The following ADGRL2 variants were observed in gnomAD, a reference collection of about 807,000 sequenced individuals.
ADGRL2 encodes the protein calcium-independent alpha-latrotoxin receptor 2.
A neutral mutation model predicts 157.4 loss-of-function variants in ADGRL2; 44 were observed. The observed-to-expected ratio is 0.28, with a 90% CI of 0.22 to 0.36. The LOEUF is 0.36. ADGRL2 is among the 10% of genes least tolerant of loss of function. ADGRL2 has a pLI of 1.00. For synonymous variants in ADGRL2, 585 were observed against 624.7 expected (o/e 0.94, Z 0.95); for missense variants, 1,510 against 1,768.9 (o/e 0.85, Z 2.63).
chr1:81,935,562 A>G lies in ADGRL2; in HGVS notation c.288-1166A>G, dbSNP rs201781897. ...TGCCCTTTAGTTAGTGGTGCTAGAA[A>G]CTGGGATGCTTTTCAAAATTCTTTA... On this transcript the variant is annotated intron_variant, in intron 3 of 23. Coordinates refer to ENST00000686636, the MANE Select transcript of ADGRL2 (RefSeq NM_001366006.2). Among the ~76,000 whole-genome samples the G allele has an allele frequency of 7.9e-5, 12 of 152,014 alleles. No homozygotes were observed. The East Asian group carries it at 1.7e-3, about 22-fold the overall frequency.
At chr1:81,972,779 G>A (rs1411966107) in intron 17 of ADGRL2, among the ~76,000 whole-genome samples, 2 of 151,720 alleles carry the variant, frequency 1.3e-5, no homozygotes, top group African/African-American at 4.8e-5. Flanking sequence ...CGGTGTTGAG[G>A]CACATTCCTG....
At chr1:81,933,288 A>G (rs2095262268) in intron 3 of ADGRL2, among the ~76,000 whole-genome samples, 1 of 152,116 alleles carries the variant, frequency 6.6e-6, no homozygotes, top group Non-Finnish European at 1.5e-5. Flanking sequence ...CCGATTTTTT[A>G]TGCTTAATGT....
chr1:81,581,324 A>G (rs1384034139), intron 3 of ADGRL2, among the ~76,000 whole-genome samples: 1 of 152,186 alleles, frequency 6.6e-6, no homozygotes, highest in Admixed American at 6.5e-5. Flanking sequence ...TCAAATCAAA[A>G]ACTTTTCCTT....
At chr1:81,948,974 C>A (rs1040526658) in intron 6 of ADGRL2, among the ~76,000 whole-genome samples, 1 of 152,034 alleles carries the variant, frequency 6.6e-6, no homozygotes, top group Non-Finnish European at 1.5e-5. Flanking sequence ...GATTGATGGA[C>A]CAGAGAGCTT....
intron 3 of ADGRL2, among the ~76,000 whole-genome samples, chr1:81,665,119 A>G (rs1043892896): frequency 6.6e-6 from 1 of 152,192 alleles, no homozygotes; most frequent in African/African-American, 2.4e-5. Flanking sequence ...AAAGTGACTC[A>G]TAATGAACTC....
intron 2 of ADGRL2, among the ~76,000 whole-genome samples, chr1:81,511,400 G>GCGCA (rs1553172037): frequency 2.2e-4 from 28 of 127,222 alleles, no homozygotes; most frequent in African/African-American, 2.7e-4. Context: ...AAAAAAGCGC[G>GCGCA]CACACACACA....
intron 3 of ADGRL2, among the ~76,000 whole-genome samples, chr1:81,645,771 G>T (rs890276840): frequency 6.6e-6 from 1 of 152,020 alleles, no homozygotes; most frequent in Non-Finnish European, 1.5e-5. Flanking sequence ...TGGACATTTA[G>T]GTGGTTTCTT....
At chr1:81,687,347 G>A (rs972394601) in intron 3 of ADGRL2, among the ~76,000 whole-genome samples, 1 of 152,072 alleles carries the variant, frequency 6.6e-6, no homozygotes, top group African/African-American at 2.4e-5. Context: ...ATATGTTTAG[G>A]ATTGTGATAT....
chr1:81,673,809 A>G (rs1182450141), intron 3 of ADGRL2, among the ~76,000 whole-genome samples: 1 of 152,074 alleles, frequency 6.6e-6, no homozygotes, highest in African/African-American at 2.4e-5. Flanking sequence ...GAGCCACTGC[A>G]CCCAGCCTCT....
intron 1 of ADGRL2, among the ~76,000 whole-genome samples, chr1:81,398,020 A>G (rs1196007928): frequency 6.6e-6 from 1 of 152,046 alleles, no homozygotes; most frequent in Non-Finnish European, 1.5e-5. Flanking sequence ...ATATTTTTGT[A>G]ATTGTTATAT....
In ADGRL2 at chr1:81,642,940, A is replaced by T. The variant is rs74923344; in HGVS notation, c.-143+61960A>T. 5.8e-3 allele frequency among the ~76,000 whole-genome samples: 882 copies of T among 152,286 alleles called. 11 individuals are homozygous for T. Among genetic ancestry groups the T allele is most frequent in the African/African-American group, 0.02 (845 of 41,572 alleles). On this transcript the variant is annotated intron_variant, in intron 3 of 24. Coordinates refer to the ADGRL2 transcript ENST00000370721. ...AGATAGGAACTTCTTTAATTTGATG[A>T]AAAATACGAAAAAGAAATCCTACAG...
At chr1:81,496,792 G>A (rs1479331706) in intron 2 of ADGRL2, among the ~76,000 whole-genome samples, 2 of 152,142 alleles carry the variant, frequency 1.3e-5, no homozygotes, top group Non-Finnish European at 2.9e-5. Context: ...GCAAGCAACA[G>A]ACTTAGCAAC....
intron 1 of ADGRL2, among the ~76,000 whole-genome samples, chr1:81,433,349 C>A (rs1259365295): frequency 1.3e-5 from 2 of 152,166 alleles, no homozygotes; most frequent in Admixed American, 6.5e-5. Context: ...TTCCAATCCA[C>A]AAAAGGTCAT....
At chr1:81,696,197 A>AT (rs907019964), upstream of ADGRL2, among the ~76,000 whole-genome samples, 3 of 151,836 alleles carry the variant, frequency 2.0e-5, no homozygotes, top group Non-Finnish European at 4.4e-5. Flanking sequence ...GCATAGCAGA[A>AT]TTTTTTTTCC....
intron 4 of ADGRL2, among the ~76,000 whole-genome samples, chr1:81,938,687 T>G (rs2148889723): frequency 6.6e-6 from 1 of 151,804 alleles, no homozygotes; most frequent in Non-Finnish European, 1.5e-5. Flanking sequence ...TGCTAAAGAA[T>G]AAAAGTAATT....
At chr1:81,529,754 T>A (rs2079554613) in intron 2 of ADGRL2, among the ~76,000 whole-genome samples, 1 of 152,184 alleles carries the variant, frequency 6.6e-6, no homozygotes, top group Non-Finnish European at 1.5e-5. Flanking sequence ...AGTGGCAAAT[T>A]AACTTGCCCA....
intron 1 of ADGRL2, among the ~76,000 whole-genome samples, chr1:81,802,863 G>T (rs1299799267): frequency 6.6e-6 from 1 of 152,156 alleles, no homozygotes; most frequent in Non-Finnish European, 1.5e-5. Context: ...GTGGGGAGGC[G>T]AGGATGACAG....
intron 3 of ADGRL2, among the ~76,000 whole-genome samples, chr1:81,685,479 A>G (rs1356786743): frequency 6.6e-6 from 1 of 152,074 alleles, no homozygotes; most frequent in East Asian, 1.9e-4. Flanking sequence ...TGTGTGCATT[A>G]ATCTTGTATC....
chr1:81,639,026 C>T (rs2082166411), intron 3 of ADGRL2, among the ~76,000 whole-genome samples: 1 of 152,046 alleles, frequency 6.6e-6, no homozygotes, highest in South Asian at 2.1e-4. Context: ...GCAGCAAGAC[C>T]CAAGACCCAA....
Sources: gnomAD v4.1 joint callset for allele counts (sites outside exome capture counted in the v4.1 genomes callset) on GRCh38, gnomAD v4.1.1 for gene constraint, MANE v1.5 for transcripts, NCBI Gene and HGNC (gene_info 2026-07-23, HGNC 2026-07-21) for gene names.